The following MICAL3 variants were observed in gnomAD, a reference collection of about 807,000 sequenced individuals.
MICAL3 encodes the protein microtubule associated monooxygenase, calponin and LIM domain containing 3.
MICAL3 carries 62 observed loss-of-function variants against 207.4 expected under a neutral mutation model. The observed-to-expected ratio is 0.30, with a 90% CI of 0.24 to 0.37. The LOEUF (loss-of-function observed/expected upper bound fraction) is 0.37, where lower values mean the gene tolerates loss of function less well. MICAL3 is among the 10% of genes least tolerant of loss of function. The pLI is 1.00. For synonymous variants in MICAL3, 1,077 were observed against 1,069.3 expected (o/e 1.01, Z -0.14); for missense variants, 2,368 against 2,635.6 (o/e 0.90, Z 2.22).
chr22:17,968,862 C>G (rs1367781097), intron 1 of MICAL3, among the ~76,000 whole-genome samples: 1 of 152,162 alleles, frequency 6.6e-6, no homozygotes, highest in East Asian at 1.9e-4. Context: ...ATGAATTCAA[C>G]ATTTTAAATA....
intron 1 of MICAL3, among the ~76,000 whole-genome samples, chr22:17,958,462 C>T (rs1462627369): frequency 6.6e-6 from 1 of 152,180 alleles, no homozygotes; most frequent in African/African-American, 2.4e-5. Context: ...TCTCCTGCAT[C>T]GGCCTTGGGC....
chr22:18,020,711 T>C (rs9605495), intron 1 of MICAL3, among the ~76,000 whole-genome samples: 31,441 of 149,158 alleles, frequency 0.21, 3,853 homozygotes, highest in East Asian at 0.38. Context: ...GAGGCAGGAG[T>C]TCGACACCAG....
At chr22:17,875,092 A>C (rs1928148348) in intron 16 of MICAL3, 1 of 158,142 alleles carries the variant, frequency 6.3e-6, no homozygotes, top group African/African-American at 2.4e-5. Context: ...TGTGGTTCCT[A>C]CTTTTTAACA....
intron 16 of MICAL3, chr22:17,875,682 T>TA (rs60415785): frequency 0.05 from 8,588 of 170,538 alleles, 338 homozygotes; most frequent in African/African-American, 0.11. Flanking sequence ...CCATGTATAG[T>TA]AAAAAAAAAA....
intron 21 of MICAL3, 47 bp from the exon 22 acceptor site, chr22:17,827,828 G>A (rs1341051423): frequency 5.3e-6 from 8 of 1,511,666 alleles, no homozygotes; most frequent in Non-Finnish European, 7.1e-6. Flanking sequence ...GGGGAAGGAG[G>A]GGATGAAATA....
At chr22:17,967,486 A>ACATC (rs1935196815) in intron 1 of MICAL3, among the ~76,000 whole-genome samples, 1 of 145,592 alleles carries the variant, frequency 6.9e-6, no homozygotes, top group African/African-American at 2.5e-5. Flanking sequence ...ACACACACAC[A>ACATC]CACACACCCA....
chr22:17,805,582 AGGAGTTTGCAC>A (rs2049367451), intron 29 of MICAL3, among the ~76,000 whole-genome samples: 1 of 152,218 alleles, frequency 6.6e-6, no homozygotes. Context: ...ATCTAAAGGA[AGGAGTTTGCAC>A]TACGACAGTG....
In MICAL3 at chr22:17,819,660, C is replaced by G. The variant is rs561506615; in HGVS notation, c.3532-531G>C. On this transcript the variant is annotated intron_variant, in intron 25 of 31. Transcript: ENST00000441493. ...CAAAGCCTCCCCATTTCACAGACGG[C>G]TGAGCGCAGTGGCTCACACCTGTAA... Among the ~76,000 whole-genome samples, 4 of 152,256 alleles carry G rather than the reference C, an allele frequency of 2.6e-5. No individual in the cohort carries two copies. In the East Asian group the frequency reaches 5.8e-4, roughly 22 times the overall value.
chr22:17,977,358 A>C (rs1935704067), intron 1 of MICAL3, among the ~76,000 whole-genome samples: 1 of 152,202 alleles, frequency 6.6e-6, no homozygotes, highest in Non-Finnish European at 1.5e-5. Flanking sequence ...AAGGTAACCC[A>C]ACTTTTTAAA....
chr22:17,958,702 T>TG (rs908106291), intron 1 of MICAL3, among the ~76,000 whole-genome samples: 4 of 150,942 alleles, frequency 2.7e-5, no homozygotes, highest in African/African-American at 7.4e-5. Flanking sequence ...GTTGGGTTTT[T>TG]TTATTTTTTT....
At chr22:17,863,985 C>G (rs1464142114) in intron 19 of MICAL3, 8 of 985,420 alleles carry the variant, frequency 8.1e-6, no homozygotes, top group Non-Finnish European at 9.6e-6. Context: ...CTGGCCCCCT[C>G]TTGCCACAGT....
intron 29 of MICAL3, among the ~76,000 whole-genome samples, chr22:17,801,184 G>T (rs1271214772): frequency 1.2e-4 from 5 of 43,306 alleles, no homozygotes; most frequent in Non-Finnish European, 7.0e-5. Flanking sequence ...ACGGAGTCTC[G>T]CTCTGTCGCC....
chr22:17,953,268 C>T (rs548307524), intron 1 of MICAL3, among the ~76,000 whole-genome samples: 3 of 152,258 alleles, frequency 2.0e-5, no homozygotes, highest in South Asian at 2.1e-4. Flanking sequence ...ATAAATTACC[C>T]CACTAAAATA....
intron 2 of MICAL3, among the ~76,000 whole-genome samples, chr22:17,905,363 T>C (rs1256774342): frequency 6.6e-6 from 1 of 152,030 alleles, no homozygotes; most frequent in African/African-American, 2.4e-5. Flanking sequence ...AGTTCCAAAA[T>C]CCCCATTTCT....
At chr22:17,808,654 G>A in intron 29 of MICAL3, among the ~76,000 whole-genome samples, 190 bp downstream of exon 29, 1 of 152,230 alleles carries the variant, frequency 6.6e-6, no homozygotes, top group East Asian at 1.9e-4. Flanking sequence ...AGCAGGATGG[G>A]CCTGGGGCTG....
At chr22:17,982,576 C>G (rs1935962370) in intron 1 of MICAL3, among the ~76,000 whole-genome samples, 1 of 151,954 alleles carries the variant, frequency 6.6e-6, no homozygotes, top group Non-Finnish European at 1.5e-5. Flanking sequence ...GAAGCTGAGG[C>G]AGGAGAATCG....
chr22:17,849,699 T>G (rs1217767429), intron 19 of MICAL3, among the ~76,000 whole-genome samples: 17 of 138,666 alleles, frequency 1.2e-4, no homozygotes, highest in African/African-American at 4.6e-4. Flanking sequence ...TTTTTTTTTT[T>G]TTTTTTTTTT....
In MICAL3 at chr22:17,808,711, A is replaced by C. The variant is rs368943371; in HGVS notation, c.5650+133T>G. On this transcript the variant is annotated intron_variant, in intron 29 of 31. Transcript: ENST00000441493. ...TGCTTAACAGGAAGCCCCAAATCTC[A>C]GAGATGAAGGGCCCCAGAAAATCCT... 4.3e-4 allele frequency: 305 copies of C among 707,872 alleles called. 6 individuals are homozygous for C. The South Asian group carries it at 5.3e-3, about 12-fold the overall frequency. 43.8% of individuals were successfully genotyped at this position (707,872 alleles called of 1,614,324 possible). A position where few individuals can be genotyped will look rare whatever the true frequency, so the allele number is the denominator to read the frequency against.
intron 1 of MICAL3, among the ~76,000 whole-genome samples, chr22:17,961,957 G>C (rs1308960795): frequency 6.6e-6 from 1 of 152,170 alleles, no homozygotes; most frequent in African/African-American, 2.4e-5. Flanking sequence ...CCTTTCCTAG[G>C]CAAATCCATA....
Sources: gnomAD v4.1 joint callset for allele counts (sites outside exome capture counted in the v4.1 genomes callset) on GRCh38, gnomAD v4.1.1 for gene constraint, MANE v1.5 for transcripts, NCBI Gene and HGNC (gene_info 2026-07-23, HGNC 2026-07-21) for gene names.